The following SAMD3 variants were observed in gnomAD, a reference collection of about 807,000 sequenced individuals.
The protein encoded by SAMD3 is sterile alpha motif domain-containing protein 3.
Under a neutral mutation model 58.5 loss-of-function variants are expected in SAMD3, and 63 were observed. The ratio of observed to expected loss-of-function variants is 1.08; its 90% CI spans 0.88 to 1.33. The LOEUF is 1.33. Ranked by LOEUF, SAMD3 falls within the 40% of genes most tolerant of loss-of-function variation. The pLI, the probability that SAMD3 is intolerant of heterozygous loss-of-function variation, is 0.00. For missense variants in SAMD3, 604 were observed against 608.4 expected, an observed-to-expected ratio of 0.99 and a Z score of 0.08; for synonymous variants, 220 against 210.3, an observed-to-expected ratio of 1.05 and a Z score of -0.40.
At chr6:130,178,636 G>A (rs939726317) in intron 7 of SAMD3, among the ~76,000 whole-genome samples, 2 of 152,214 alleles carry the variant, frequency 1.3e-5, no homozygotes, top group Non-Finnish European at 2.9e-5. Flanking sequence ...TGGGAAGACT[G>A]CAGGTCCAAG....
At chr6:130,288,808 G>A (rs1209153060) in intron 2 of SAMD3, among the ~76,000 whole-genome samples, 1 of 152,216 alleles carries the variant, frequency 6.6e-6, no homozygotes, top group Non-Finnish European at 1.5e-5. Context: ...AGACTGCTGA[G>A]AAGAGCTAAA....
intron 5 of SAMD3, among the ~76,000 whole-genome samples, chr6:130,198,742 G>A (rs569238642): frequency 6.6e-6 from 1 of 152,130 alleles, no homozygotes; most frequent in South Asian, 2.1e-4. Context: ...AACACAAAAG[G>A]TATCTGAGAA....
rs1446476189 is a variant in SAMD3, at chr6:130,304,579, T to C, written c.-188+8399A>G. 2.6e-5 allele frequency among the ~76,000 whole-genome samples: 4 copies of C among 152,364 alleles called. No individual in the cohort carries two copies. The East Asian group carries it at 7.7e-4, about 29-fold the overall frequency. The stretch of plus-strand genomic sequence containing the variant: ...TTTCATCTTAGTTGCTAGAGCTTTA[T>C]GACTTTTTACTGAAGTTAAAACAAA... On this transcript the variant is annotated intron_variant, in intron 2 of 13. Coordinates refer to the SAMD3 transcript ENST00000368134.
intron 8 of SAMD3, among the ~76,000 whole-genome samples, chr6:130,165,427 A>T (rs1280085718): frequency 2.0e-5 from 3 of 152,194 alleles, no homozygotes; most frequent in Non-Finnish European, 4.4e-5. Context: ...AAACACAGAG[A>T]TAAGCCAAGG....
chr6:130,311,912 G>A (rs981790086), intron 2 of SAMD3, among the ~76,000 whole-genome samples: 3 of 152,100 alleles, frequency 2.0e-5, no homozygotes, highest in African/African-American at 7.2e-5. Flanking sequence ...CCTTTGATGA[G>A]CCCAAAGAAG....
chr6:130,336,497 T>G (rs1307858400), intron 1 of SAMD3, among the ~76,000 whole-genome samples: 1 of 152,244 alleles, frequency 6.6e-6, no homozygotes, highest in African/African-American at 2.4e-5. Flanking sequence ...AAGTAACATT[T>G]TGGATAACTG....
chr6:130,265,603 GT>G (rs1456913429), intron 2 of SAMD3, among the ~76,000 whole-genome samples: 1 of 152,094 alleles, frequency 6.6e-6, no homozygotes, highest in African/African-American at 2.4e-5. Flanking sequence ...AAAAGAACTT[GT>G]TTGTATAATG....
At position 130,219,161 on chromosome 6, in the gene SAMD3, C is replaced by T. The variant is rs369860474; in HGVS notation, c.-67-2545G>A. ...TAGATATTTATATTAATCTTTTAAA[C>T]ATTTAAGGAACAAAACTATTAATTT... On this transcript the variant is annotated intron_variant, in intron 1 of 11. Transcript: ENST00000439090. 7.9e-5 allele frequency among the ~76,000 whole-genome samples: 12 copies of T among 152,226 alleles called. No individual in the cohort carries two copies. The East Asian group carries it at 1.5e-3, about 20-fold the overall frequency.
chr6:130,215,833 C>T, intron 2 of SAMD3: 4 of 1,534,940 alleles, frequency 2.6e-6, no homozygotes, highest in Non-Finnish European at 3.5e-6. Flanking sequence ...GAGATTGTAA[C>T]TTGCTGCTTC....
intron 2 of SAMD3, among the ~76,000 whole-genome samples, chr6:130,258,891 A>C (rs1177191244): frequency 6.6e-6 from 1 of 152,210 alleles, no homozygotes; most frequent in Non-Finnish European, 1.5e-5. Context: ...TAGTGATTTT[A>C]GCAAGTAGAT....
chr6:130,246,789 T>A (rs1773561663), intron 2 of SAMD3, among the ~76,000 whole-genome samples: 1 of 152,110 alleles, frequency 6.6e-6, no homozygotes, highest in Non-Finnish European at 1.5e-5. Context: ...CTTGGGTGGC[T>A]AAGGCAGGAG....
intron 1 of SAMD3, among the ~76,000 whole-genome samples, chr6:130,329,367 C>A (rs1326774023): frequency 1.3e-5 from 2 of 151,594 alleles, no homozygotes; most frequent in Non-Finnish European, 2.9e-5. Flanking sequence ...TGCCTGATAT[C>A]TTTACAATCC....
intron 2 of SAMD3, among the ~76,000 whole-genome samples, chr6:130,261,472 A>G (rs545425870): frequency 6.6e-5 from 10 of 152,104 alleles, no homozygotes; most frequent in Admixed American, 1.3e-4. Flanking sequence ...CTTGACTTGG[A>G]TTGCTTGATA....
At chr6:130,207,159 C>CAAAAAAAAAAAAAAAA (rs376844642) in intron 5 of SAMD3, among the ~76,000 whole-genome samples, 7 of 52,636 alleles carry the variant, frequency 1.3e-4, no homozygotes, top group Non-Finnish European at 2.0e-4. Context: ...CCCATCTCAT[C>CAAAAAAAAAAAAAAAA]AAAAAAAAAA....
chr6:130,191,345 T>A (rs11961461), intron 5 of SAMD3, among the ~76,000 whole-genome samples: 57,089 of 151,904 alleles, frequency 0.38, 11,445 homozygotes, highest in African/African-American at 0.48. Context: ...TTAATTATCA[T>A]CCCTTTGGGT....
intron 5 of SAMD3, among the ~76,000 whole-genome samples, chr6:130,204,557 A>C (rs1179527503): frequency 6.7e-6 from 1 of 149,868 alleles, no homozygotes; most frequent in Non-Finnish European, 1.5e-5. Flanking sequence ...AGATAGCGCC[A>C]CTGCACTCCA....
Position 130,184,431 on chromosome 6 carries a change from C to T in SAMD3, c.569+7G>A, listed in dbSNP as rs774007718. 2.5e-6 allele frequency: 4 copies of T among 1,612,158 alleles called. No individual in the cohort carries two copies. Among genetic ancestry groups the T allele is most frequent in the Admixed American group, 1.7e-5 (1 of 59,838 alleles). On this transcript the variant is annotated splice_region_variant and intron_variant, in intron 6 of 11. Transcript: ENST00000439090. ...CAAAGCAGCAAGCTTGTCCTGTTGT[C>T]ACTCACAGTGAGCCTTCCAGATACT...
At position 130,317,104 on chromosome 6, in the gene SAMD3, G is replaced by T. The variant is rs771580017; in HGVS notation, c.-303-4011C>A. Among the ~76,000 whole-genome samples the T allele has an allele frequency of 3.9e-5, 6 of 152,114 alleles. 1 individual carries two copies. Among genetic ancestry groups the T allele is most frequent in the Admixed American group, 1.3e-4 (2 of 15,276 alleles). Reference sequence around the variant, plus strand: ...AGTTACAATTTGGATGTACTAGTAGGCACCACCAGCTATTTGCCTTACTGT... The same window carrying T: ...AGTTACAATTTGGATGTACTAGTAGTCACCACCAGCTATTTGCCTTACTGT... On this transcript the variant is annotated intron_variant, in intron 1 of 13. Transcript: ENST00000368134.
At chr6:130,175,292 G>A (rs1253619502) in intron 8 of SAMD3, among the ~76,000 whole-genome samples, 1 of 152,174 alleles carries the variant, frequency 6.6e-6, no homozygotes, top group African/African-American at 2.4e-5. Context: ...CCTCCCAGGT[G>A]CTGAGGGTTG....
Sources: gnomAD v4.1 joint callset for allele counts (sites outside exome capture counted in the v4.1 genomes callset) on GRCh38, gnomAD v4.1.1 for gene constraint, MANE v1.5 for transcripts, NCBI Gene and HGNC (gene_info 2026-07-23, HGNC 2026-07-21) for gene names.